The following ARB2A variants were observed in gnomAD, a reference collection of about 807,000 sequenced individuals.
The protein encoded by ARB2A is ARB2 cotranscriptional regulator A.
chr5:93,869,949 G>C, the ARB2A span, among the ~76,000 whole-genome samples: 1 of 152,198 alleles, frequency 6.6e-6, no homozygotes, highest in African/African-American at 2.4e-5. Context: ...CAGCCTTGTT[G>C]CTCACACAAA....
chr5:93,692,997 A>G, the ARB2A span, among the ~76,000 whole-genome samples: 1 of 152,236 alleles, frequency 6.6e-6, no homozygotes, highest in African/African-American at 2.4e-5. Context: ...ACATTCTTTG[A>G]AACCAATGAG....
the ARB2A span, among the ~76,000 whole-genome samples, chr5:93,828,992 G>T: frequency 6.6e-6 from 1 of 152,086 alleles, no homozygotes; most frequent in Non-Finnish European, 1.5e-5. Context: ...GGCTTGGCTG[G>T]TCTTCAACTC....
chr5:94,041,038 A>G, the ARB2A span, among the ~76,000 whole-genome samples: 1 of 152,138 alleles, frequency 6.6e-6, no homozygotes, highest in African/African-American at 2.4e-5. Context: ...CTGGCATGTC[A>G]GCAAAAGTGT....
chr5:93,933,827 G>T, the ARB2A span, among the ~76,000 whole-genome samples: 1 of 151,880 alleles, frequency 6.6e-6, no homozygotes, highest in African/African-American at 2.4e-5. Context: ...AACATGCATG[G>T]CATAAAAAAC....
At chr5:93,691,267 C>A in the ARB2A span, among the ~76,000 whole-genome samples, 5 of 151,850 alleles carry the variant, frequency 3.3e-5, no homozygotes, top group African/African-American at 1.2e-4. Flanking sequence ...TGCAAGGAAG[C>A]TAAGAACCTT....
At chr5:93,623,696 A>T in the ARB2A span, among the ~76,000 whole-genome samples, 2 of 152,164 alleles carry the variant, frequency 1.3e-5, no homozygotes, top group Admixed American at 1.3e-4. Flanking sequence ...TAAGAGTATA[A>T]ATAATGAGAA....
At chr5:93,629,386 G>T in the ARB2A span, among the ~76,000 whole-genome samples, 1 of 152,254 alleles carries the variant, frequency 6.6e-6, no homozygotes, top group South Asian at 2.1e-4. Flanking sequence ...GAGACACAAA[G>T]TAAGCACATG....
chr5:93,776,270 T>C, the ARB2A span: 1 of 1,563,814 alleles, frequency 6.4e-7, no homozygotes, highest in Non-Finnish European at 8.7e-7. Context: ...ACAATATTGT[T>C]GAAATACAAT....
chr5:93,839,624 A>C, the ARB2A span, among the ~76,000 whole-genome samples: 1 of 151,898 alleles, frequency 6.6e-6, no homozygotes, highest in Non-Finnish European at 1.5e-5. Context: ...TACACCTGAT[A>C]GAATTTGGCT....
the ARB2A span, among the ~76,000 whole-genome samples, chr5:93,859,380 T>A: frequency 6.6e-6 from 1 of 150,970 alleles, no homozygotes; most frequent in African/African-American, 2.4e-5. Flanking sequence ...CTAGACAGAA[T>A]ATAAACCTAA....
chr5:93,683,208 C>A, the ARB2A span: 1 of 1,337,572 alleles, frequency 7.5e-7, no homozygotes, highest in Non-Finnish European at 1.1e-6. Flanking sequence ...TCATCATCAT[C>A]CTCTTCATCA....
chr5:93,776,822 C>T, the ARB2A span, among the ~76,000 whole-genome samples: 6 of 151,872 alleles, frequency 4.0e-5, no homozygotes, highest in African/African-American at 7.3e-5. Flanking sequence ...CTTCCATGAA[C>T]CATGATGCAA....
At chr5:93,820,904 A>G in the ARB2A span, among the ~76,000 whole-genome samples, 1 of 152,132 alleles carries the variant, frequency 6.6e-6, no homozygotes, top group Non-Finnish European at 1.5e-5. Context: ...AGTTAATAGC[A>G]TATTTTTAAT....
At chr5:93,935,760 T>C in the ARB2A span, among the ~76,000 whole-genome samples, 43 of 152,234 alleles carry the variant, frequency 2.8e-4, no homozygotes, top group Non-Finnish European at 5.9e-5. Context: ...GAAATAAAAG[T>C]TCATTTTATT....
chr5:93,719,235 A>C, the ARB2A span, among the ~76,000 whole-genome samples: 1 of 152,216 alleles, frequency 6.6e-6, no homozygotes, highest in African/African-American at 2.4e-5. Context: ...AAAATAAACC[A>C]GCTGTTACAA....
chr5:93,763,911 A>T, the ARB2A span, among the ~76,000 whole-genome samples: 1 of 152,240 alleles, frequency 6.6e-6, no homozygotes, highest in Non-Finnish European at 1.5e-5. Flanking sequence ...AAACTGCTCA[A>T]CTACATGGAA....
the ARB2A span, chr5:93,741,634 C>T: frequency 1.4e-6 from 2 of 1,429,194 alleles, no homozygotes; most frequent in Non-Finnish European, 1.8e-6. Context: ...AGCCACCGGC[C>T]CCCTCAAGCC....
the ARB2A span, among the ~76,000 whole-genome samples, chr5:93,846,396 GGA>G: frequency 6.6e-6 from 1 of 151,980 alleles, no homozygotes; most frequent in Non-Finnish European, 1.5e-5. Context: ...TTGCTCACTG[GGA>G]GGCTGAGGTG....
the ARB2A span, among the ~76,000 whole-genome samples, chr5:93,860,452 G>GT: frequency 4.7e-5 from 7 of 148,746 alleles, no homozygotes; most frequent in African/African-American, 1.7e-4. Context: ...AATTCCAGAA[G>GT]TAAAAAAAAA....
Sources: gnomAD v4.1 joint callset for allele counts (sites outside exome capture counted in the v4.1 genomes callset) on GRCh38, gnomAD v4.1.1 for gene constraint, MANE v1.5 for transcripts, NCBI Gene and HGNC (gene_info 2026-07-23, HGNC 2026-07-21) for gene names.